The following ASIC2 variants were observed in gnomAD, a reference collection of about 807,000 sequenced individuals.
ASIC2 encodes acid-sensing ion channel 2.
In ASIC2, 25 loss-of-function variants were observed where a neutral mutation model predicts 57.3. The ratio of observed to expected loss-of-function variants is 0.44; its 90% CI spans 0.32 to 0.61. The LOEUF (loss-of-function observed/expected upper bound fraction) is 0.61, where lower values mean the gene tolerates loss of function less well. Among genes scored for constraint, ASIC2 ranks in the 20% least tolerant of loss-of-function variants. The pLI is 0.06. For synonymous variants in ASIC2, 319 were observed against 307.5 expected (o/e 1.04, Z -0.39); for missense variants, 641 against 738.1 (o/e 0.87, Z 1.52).
intron 1 of ASIC2, among the ~76,000 whole-genome samples, chr17:33,448,305 C>G (rs879683566): frequency 6.6e-6 from 1 of 152,120 alleles, no homozygotes; most frequent in Non-Finnish European, 1.5e-5. Context: ...GAATACTTGA[C>G]GGCTGTTTAG....
chr17:33,271,823 C>T (rs987435984), intron 1 of ASIC2, among the ~76,000 whole-genome samples: 3 of 152,328 alleles, frequency 2.0e-5, no homozygotes, highest in African/African-American at 7.2e-5. Flanking sequence ...TAACTCATGG[C>T]ACTCTCATTC....
chr17:33,695,607 G>C (rs1004734370), intron 1 of ASIC2, among the ~76,000 whole-genome samples: 5 of 152,208 alleles, frequency 3.3e-5, no homozygotes, highest in Non-Finnish European at 7.3e-5. Context: ...GGCTTCCCAA[G>C]AGTGCTGCTT....
intron 1 of ASIC2, among the ~76,000 whole-genome samples, chr17:33,263,556 G>A (rs377037569): frequency 1.4e-4 from 21 of 152,032 alleles, no homozygotes; most frequent in Admixed American, 5.9e-4. Context: ...CCCTGACTTT[G>A]ACCTTCTCTG....
At chr17:33,676,587 T>G (rs1016559234) in intron 1 of ASIC2, among the ~76,000 whole-genome samples, 1 of 152,204 alleles carries the variant, frequency 6.6e-6, no homozygotes, top group Non-Finnish European at 1.5e-5. Context: ...TCTAACCCAC[T>G]TCAATTCTAT....
chr17:33,896,205 G>T (rs1021071432), intron 1 of ASIC2, among the ~76,000 whole-genome samples: 10 of 152,200 alleles, frequency 6.6e-5, no homozygotes, highest in South Asian at 6.2e-4. Flanking sequence ...ATGAGCAAGA[G>T]CTCTGCTTAG....
In ASIC2 at chr17:33,978,813, C is replaced by T. The variant is rs552732414; in HGVS notation, c.555+177165G>A. ...CTGGGGTGTCAAAGAGCTTCTAACCCCACCAGTGAGTCCTGGTGCCTATGG... is the reference window on the plus strand; with the variant it reads ...CTGGGGTGTCAAAGAGCTTCTAACCTCACCAGTGAGTCCTGGTGCCTATGG... On this transcript the variant is annotated intron_variant, in intron 1 of 9. Coordinates refer to the ASIC2 transcript ENST00000359872. Among the ~76,000 whole-genome samples, 3 of 152,230 alleles carry T rather than the reference C, an allele frequency of 2.0e-5. No individual in the cohort carries two copies. In the South Asian group the frequency reaches 6.2e-4, roughly 32 times the overall value.
intron 1 of ASIC2, among the ~76,000 whole-genome samples, chr17:33,902,363 CA>C (rs1287927968): frequency 6.6e-6 from 1 of 152,152 alleles, no homozygotes; most frequent in East Asian, 1.9e-4. Context: ...TTCAGCATAA[CA>C]GCACAAAATC....
At chr17:33,899,998 A>C (rs1915196513) in intron 1 of ASIC2, among the ~76,000 whole-genome samples, 1 of 152,186 alleles carries the variant, frequency 6.6e-6, no homozygotes, top group Admixed American at 6.5e-5. Context: ...TCCTGTGCTT[A>C]CTTCTGGGAC....
chr17:33,232,171 G>A (rs1474379332), intron 1 of ASIC2, among the ~76,000 whole-genome samples: 1 of 152,138 alleles, frequency 6.6e-6, no homozygotes, highest in Non-Finnish European at 1.5e-5. Context: ...GAACTATCGT[G>A]ATAGGATTAG....
intron 1 of ASIC2, among the ~76,000 whole-genome samples, chr17:33,371,901 T>C (rs1465208638): frequency 2.6e-5 from 4 of 152,082 alleles, no homozygotes; most frequent in Non-Finnish European, 5.9e-5. Flanking sequence ...ATGAATTTGT[T>C]TGTGCAGGGC....
chr17:33,245,012 G>GT (rs1567797002), intron 1 of ASIC2, among the ~76,000 whole-genome samples: 1 of 152,176 alleles, frequency 6.6e-6, no homozygotes. Flanking sequence ...ACGTGGGGGT[G>GT]TTTTTAGCAT....
intron 1 of ASIC2, among the ~76,000 whole-genome samples, chr17:33,861,667 G>T (rs1914105169): frequency 6.6e-6 from 1 of 152,168 alleles, no homozygotes; most frequent in Non-Finnish European, 1.5e-5. Flanking sequence ...CCTCTGAGAG[G>T]AAGGTGAAAA....
At chr17:33,407,564 A>T (rs1175348498) in intron 1 of ASIC2, among the ~76,000 whole-genome samples, 1 of 152,228 alleles carries the variant, frequency 6.6e-6, no homozygotes, top group Admixed American at 6.5e-5. Flanking sequence ...TCTCAACTTT[A>T]TATTTTCTTC....
intron 1 of ASIC2, among the ~76,000 whole-genome samples, chr17:33,350,738 G>T (rs1444934819): frequency 1.7e-5 from 2 of 119,480 alleles, no homozygotes; most frequent in African/African-American, 8.2e-5. Context: ...ACTTCTCTCT[G>T]CATCTCAGGA....
Position 33,612,500 on chromosome 17 carries a change from C to A in ASIC2, c.556-500433G>T, listed in dbSNP as rs190898639. Among the ~76,000 whole-genome samples the A allele has an allele frequency of 1.9e-3, 293 of 152,302 alleles. 2 individuals carry two copies. The highest frequency in any genetic ancestry group is 0.01 in the Middle Eastern group (3 of 294). ...ACACATTTTGTCACATTGAGAGGTACCTATTCTGGGTTTCCTGCTTGGAGC... is the reference window on the plus strand; with the variant it reads ...ACACATTTTGTCACATTGAGAGGTAACTATTCTGGGTTTCCTGCTTGGAGC... On this transcript the variant is annotated intron_variant, in intron 1 of 9. Coordinates refer to the ASIC2 transcript ENST00000359872.
At chr17:33,579,334 G>C (rs975418376) in intron 1 of ASIC2, among the ~76,000 whole-genome samples, 2 of 150,144 alleles carry the variant, frequency 1.3e-5, no homozygotes, top group Non-Finnish European at 2.9e-5. Context: ...TGTTGGCTCA[G>C]GGCACACTGG....
chr17:33,262,010 G>C (rs1437136874), intron 1 of ASIC2, among the ~76,000 whole-genome samples: 1 of 152,210 alleles, frequency 6.6e-6, no homozygotes, highest in Non-Finnish European at 1.5e-5. Flanking sequence ...GCAGCATCTG[G>C]AGACAGGAGT....
chr17:33,623,248 T>C (rs1050282415), intron 1 of ASIC2, among the ~76,000 whole-genome samples: 3 of 113,928 alleles, frequency 2.6e-5, no homozygotes, highest in Admixed American at 2.4e-4. Flanking sequence ...TTTTTTTTGT[T>C]TGTTTGTTTG....
chr17:34,007,138 G>A (rs1282421319), intron 1 of ASIC2, among the ~76,000 whole-genome samples: 1 of 152,196 alleles, frequency 6.6e-6, no homozygotes, highest in African/African-American at 2.4e-5. Context: ...AGCCCAGAGG[G>A]GGGAAGGAAG....
Sources: gnomAD v4.1 joint callset for allele counts (sites outside exome capture counted in the v4.1 genomes callset) on GRCh38, gnomAD v4.1.1 for gene constraint, MANE v1.5 for transcripts, NCBI Gene and HGNC (gene_info 2026-07-23, HGNC 2026-07-21) for gene names.